The following ITCH variants were observed in gnomAD, a reference collection of about 807,000 sequenced individuals.
ITCH encodes the protein itchy E3 ubiquitin protein ligase.
Under a neutral mutation model 126.8 loss-of-function variants are expected in ITCH, and 28 were observed. That is an observed-to-expected ratio of 0.22 (90% CI 0.16 to 0.30). The LOEUF (loss-of-function observed/expected upper bound fraction) is 0.30. Among genes scored for constraint, ITCH ranks in the 10% least tolerant of loss-of-function variants. ITCH has a pLI of 1.00. For missense variants in ITCH, 631 were observed against 1,032.4 expected, an observed-to-expected ratio of 0.61 and a Z score of 5.33; for synonymous variants, 342 against 340.0, an observed-to-expected ratio of 1.01 and a Z score of -0.06.
intron 23 of ITCH, among the ~76,000 whole-genome samples, 196 bp from the exon 24 acceptor site, chr20:34,504,135 C>G (rs556669401): frequency 6.6e-6 from 1 of 151,988 alleles, no homozygotes; most frequent in Non-Finnish European, 1.5e-5. Context: ...CCCACCTTTG[C>G]CTCTCAAAGT....
intron 12 of ITCH, chr20:34,451,011 G>A (rs1486974291): frequency 2.0e-5 from 3 of 152,184 alleles, no homozygotes; most frequent in African/African-American, 2.4e-5. Flanking sequence ...TTGTGGGCCC[G>A]ATGCAGTGAC....
intron 20 of ITCH, among the ~76,000 whole-genome samples, chr20:34,488,719 CA>C (rs760308283): frequency 3.3e-5 from 5 of 151,212 alleles, no homozygotes; most frequent in Non-Finnish European, 7.4e-5. Context: ...TCTCAAAAAA[CA>C]AAAACAAAAT....
Position 34,446,812 on chromosome 20 carries a change from C to T in ITCH, c.1140+1351C>T, listed in dbSNP as rs181104467. Among the ~76,000 whole-genome samples the T allele has an allele frequency of 6.7e-4, 102 of 152,260 alleles. 1 individual carries two copies. Among genetic ancestry groups the T allele is most frequent in the African/African-American group, 2.3e-3 (94 of 41,548 alleles). ...CTTTGGAGTTAGACACATCTGGGTTCGAATCCTGGTTCCACAGTTACTTTC... is the reference window on the plus strand; with the variant it reads ...CTTTGGAGTTAGACACATCTGGGTTTGAATCCTGGTTCCACAGTTACTTTC... On this transcript the variant is annotated intron_variant, in intron 11 of 24. Coordinates refer to ENST00000374864, the MANE Select transcript of ITCH (RefSeq NM_031483.7).
At chr20:34,464,130 A>G (rs1239331142) in intron 14 of ITCH, among the ~76,000 whole-genome samples, 1 of 148,042 alleles carries the variant, frequency 6.8e-6, no homozygotes, top group East Asian at 2.0e-4. Context: ...GCCCGCCACC[A>G]TGCCCAGCTA....
At position 34,421,270 on chromosome 20, in the gene ITCH, A is replaced by G. The variant is rs372835320; in HGVS notation, c.476-3210A>G. ...GCTGGGACTTCAGGTGCTCACCACCATACCTGGCTTCAGTTCACTTTTTTG... is the reference window on the plus strand; with the variant it reads ...GCTGGGACTTCAGGTGCTCACCACCGTACCTGGCTTCAGTTCACTTTTTTG... On this transcript the variant is annotated intron_variant, in intron 6 of 24. Transcript: ENST00000374864. Among the ~76,000 whole-genome samples, 51 of 152,260 alleles carry G rather than the reference A, an allele frequency of 3.3e-4. No individual in the cohort carries two copies. In the East Asian group the frequency reaches 9.5e-3, roughly 28 times the overall value.
At chr20:34,395,653 C>T (rs961968531) in intron 3 of ITCH, among the ~76,000 whole-genome samples, 4 of 152,196 alleles carry the variant, frequency 2.6e-5, no homozygotes, top group African/African-American at 9.7e-5. Flanking sequence ...CCTGATCTTT[C>T]TGTCTCTAGA....
At chr20:34,427,420 T>C (rs1981684492) in intron 7 of ITCH, among the ~76,000 whole-genome samples, 1 of 152,096 alleles carries the variant, frequency 6.6e-6, no homozygotes, top group Non-Finnish European at 1.5e-5. Context: ...ACCTCATCTC[T>C]ACAGAAAACA....
intron 6 of ITCH, among the ~76,000 whole-genome samples, chr20:34,416,290 C>T (rs1201231458): frequency 6.6e-6 from 1 of 152,028 alleles, no homozygotes; most frequent in Non-Finnish European, 1.5e-5. Flanking sequence ...CCCAGCTACT[C>T]GGGAGGCTGA....
chr20:34,372,384 C>T (rs1275437788), intron 2 of ITCH, among the ~76,000 whole-genome samples: 29 of 93,148 alleles, frequency 3.1e-4, no homozygotes, highest in East Asian at 7.3e-4. Context: ...TTAAGTTCTA[C>T]TTTTTTTTTT....
At chr20:34,462,052 T>A (rs1568968511) in intron 13 of ITCH, 41 bp from the exon 14 acceptor site, 1 of 1,603,416 alleles carries the variant, frequency 6.2e-7, no homozygotes, top group Non-Finnish European at 8.5e-7. Context: ...AACAAGCAAC[T>A]CTTTAATATT....
chr20:34,471,173 A>G (rs1051306327), intron 15 of ITCH, among the ~76,000 whole-genome samples: 4 of 152,216 alleles, frequency 2.6e-5, no homozygotes, highest in Non-Finnish European at 4.4e-5. Context: ...CTGTTGGAAA[A>G]TAAGATTAAG....
intron 21 of ITCH, 39 bp downstream of exon 21, chr20:34,489,425 A>G (rs777033578): frequency 6.3e-7 from 1 of 1,587,622 alleles, no homozygotes; most frequent in Non-Finnish European, 8.6e-7. Context: ...CCATGCTAGT[A>G]AATAATGCCT....
chr20:34,497,013 T>C (rs1191732600), intron 23 of ITCH, among the ~76,000 whole-genome samples: 3 of 152,000 alleles, frequency 2.0e-5, no homozygotes, highest in Non-Finnish European at 2.9e-5. Context: ...TTCTTTTTTT[T>C]TGAGACAGAG....
At chr20:34,386,597 T>A (rs995422347) in intron 2 of ITCH, among the ~76,000 whole-genome samples, 1 of 152,198 alleles carries the variant, frequency 6.6e-6, no homozygotes, top group Non-Finnish European at 1.5e-5. Flanking sequence ...TTTTTGTGTC[T>A]TCTGAAATGT....
intron 23 of ITCH, among the ~76,000 whole-genome samples, chr20:34,502,701 A>G (rs1373814939): frequency 6.7e-6 from 1 of 149,130 alleles, no homozygotes; most frequent in East Asian, 1.9e-4. Context: ...CTCCGCCTCA[A>G]AAAAAAAAAG....
intron 23 of ITCH, among the ~76,000 whole-genome samples, chr20:34,495,780 C>T (rs959738092): frequency 6.6e-6 from 1 of 151,968 alleles, no homozygotes; most frequent in African/African-American, 2.4e-5. Context: ...ATACTGATTT[C>T]CTTTTCTTTA....
chr20:34,425,971 A>G (rs1663743137), intron 7 of ITCH, among the ~76,000 whole-genome samples: 1 of 152,234 alleles, frequency 6.6e-6, no homozygotes, highest in South Asian at 2.1e-4. Context: ...ACCCACAGGT[A>G]TGGAGGGGCA....
chr20:34,419,450 G>A (rs530959262), intron 6 of ITCH, among the ~76,000 whole-genome samples: 1 of 148,798 alleles, frequency 6.7e-6, no homozygotes, highest in Non-Finnish European at 1.5e-5. Context: ...TTACTTGTAC[G>A]TTTCTCTTGA....
intron 6 of ITCH, among the ~76,000 whole-genome samples, chr20:34,421,766 G>A (rs912943975): frequency 1.3e-5 from 2 of 152,192 alleles, no homozygotes; most frequent in African/African-American, 4.8e-5. Context: ...CCAGCACTCT[G>A]GGAAGCCAAG....
Sources: allele counts gnomAD v4.1 joint callset (sites outside exome capture counted in the v4.1 genomes callset), GRCh38; gene constraint gnomAD v4.1.1; transcripts MANE v1.5; gene names NCBI Gene and HGNC (gene_info 2026-07-23, HGNC 2026-07-21).